The following RNF5 variants were observed in gnomAD, a reference collection of about 807,000 sequenced individuals.
RNF5 encodes the protein E3 ubiquitin-protein ligase RNF5.
RNF5 carries 16 observed loss-of-function variants against 24.4 expected under a neutral mutation model. That is an observed-to-expected ratio of 0.66 (90% CI 0.44 to 1.00). The LOEUF (loss-of-function observed/expected upper bound fraction) is 1.00, where lower values mean the gene tolerates loss of function less well. RNF5 is among the 50% of genes least tolerant of loss of function. The pLI, the probability that RNF5 is intolerant of heterozygous loss-of-function variation, is 0.00. For missense variants in RNF5, 185 were observed against 236.7 expected (o/e 0.78, Z 1.43); for synonymous variants, 64 against 88.5 (o/e 0.72, Z 1.55).
At chr6:32,180,166 A>G (rs931503522) in intron 5 of RNF5, 40 bp downstream of exon 5, 1 of 1,610,400 alleles carries the variant, frequency 6.2e-7, no homozygotes, top group Admixed American at 1.7e-5. Flanking sequence ...AGCCCTGTGA[A>G]TCCCCTCAGG....
At chr6:32,178,982 C>T (rs1785841726) in intron 1 of RNF5, among the ~76,000 whole-genome samples, 1 of 152,006 alleles carries the variant, frequency 6.6e-6, no homozygotes, top group Non-Finnish European at 1.5e-5. Context: ...ACAAGTGAGA[C>T]ACAAAGGTTA....
chr6:32,178,717 A>G, intron 1 of RNF5, 66 bp downstream of exon 1: 1 of 1,497,062 alleles, frequency 6.7e-7, no homozygotes, highest in Non-Finnish European at 9.1e-7. Flanking sequence ...GCTAGGAGCG[A>G]ATAATCATAC....
Position 32,178,451 on chromosome 6 carries a change from G to A in RNF5, c.-61G>A, listed in dbSNP as rs1382679765. ...GGCAGGAGGTGGTTTCTGGTTTGTT[G>A]GGGCGTGTGTATGTGTATTTGGGGG... is the stretch of plus-strand genomic sequence containing the variant. On this transcript the variant is annotated 5_prime_UTR_variant, in exon 1 of 6. Coordinates refer to ENST00000375094, the MANE Select transcript of RNF5 (RefSeq NM_006913.4). The A allele has an allele frequency of 1.1e-5, 15 of 1,417,200 alleles. No individual in the cohort carries two copies. The highest frequency in any genetic ancestry group is 1.4e-5 in the African/African-American group (1 of 69,854). 87.8% of individuals were successfully genotyped at this position (1,417,200 alleles called of 1,614,324 possible).
In RNF5 at chr6:32,179,689, A is replaced by G; in HGVS notation, c.198A>G (p.Val66=). 1 of 1,614,148 alleles carries G rather than the reference A, an allele frequency of 6.2e-7. No individual in the cohort carries two copies. The highest frequency in any genetic ancestry group is 8.5e-7 in the Non-Finnish European group (1 of 1,180,016). The change falls in exon 3 of 6, where the codon GTA becomes GTG. Residue 66 remains valine, a synonymous_variant. Coordinates refer to ENST00000375094, the MANE Select transcript of RNF5 (RefSeq NM_006913.4). This position sits in a 1 kb window ranked among gnomAD's most constrained non-coding sequence, Gnocchi z 5.4. ...ETRPERQECP[V]CKAGISREKV... ...GGCCAGAACGGCAAGAGTGTCCAGT[A>G]TGTAAAGCTGGGATCAGCAGAGAGA...
At position 32,179,522 on chromosome 6, in the gene RNF5, T is replaced by C. The variant is rs774268695; in HGVS notation, c.141-19T>C. On this transcript the variant is annotated intron_variant, in intron 1 of 5. Transcript: ENST00000375094. This position sits in a 1 kb window ranked among gnomAD's most constrained non-coding sequence, Gnocchi z 5.4. ...TCTGTAGCTAGTTTGACCTTTTTTT[T>C]TTTTTCTCCCCCATCCAGTTGGCCA... 11 of 1,613,680 alleles carry C rather than the reference T, an allele frequency of 6.8e-6. No individual in the cohort carries two copies. Among genetic ancestry groups the C allele is most frequent in the Non-Finnish European group, 9.3e-6 (11 of 1,179,872 alleles).
Position 32,178,666 on chromosome 6 carries a change from G to T in RNF5, c.140+15G>T. The T allele has an allele frequency of 6.2e-7, 1 of 1,608,196 alleles. No homozygotes were observed. The highest frequency in any genetic ancestry group is 8.5e-7 in the Non-Finnish European group (1 of 1,179,222). ...CACCTGTACTGGTGAGAATCGAGGAGGGGGGCGGGAGGTGGTGGGTCTCGC... is the reference window on the plus strand; with the variant it reads ...CACCTGTACTGGTGAGAATCGAGGATGGGGGCGGGAGGTGGTGGGTCTCGC... On this transcript the variant is annotated intron_variant, in intron 1 of 5. Coordinates refer to ENST00000375094, the MANE Select transcript of RNF5 (RefSeq NM_006913.4).
In RNF5 at chr6:32,180,312, C is replaced by T; in HGVS notation, c.529C>T (p.Leu177=). 5 of 1,607,550 alleles carry T rather than the reference C, an allele frequency of 3.1e-6. No homozygotes were observed. Among genetic ancestry groups the T allele is most frequent in the East Asian group, 2.2e-5 (1 of 44,884 alleles). ...LFLAIFFFFW[L]LSI Reference sequence around the variant, plus strand: ...TCTCGCCATCTTCTTCTTTTTTTGGCTGCTCAGTATTTGAGCTATGTCTGC... The same window carrying T: ...TCTCGCCATCTTCTTCTTTTTTTGGTTGCTCAGTATTTGAGCTATGTCTGC... Residue 177 remains leucine, a synonymous_variant, in exon 6 of 6, where the codon CTG becomes TTG. Coordinates refer to ENST00000375094, the MANE Select transcript of RNF5 (RefSeq NM_006913.4).
Position 32,180,776 on chromosome 6 carries a change from TA to T in RNF5, c.*456del. 2 of 353,230 alleles carry T rather than the reference TA, an allele frequency of 5.7e-6. No individual in the cohort carries two copies. The highest frequency in any genetic ancestry group is 2.1e-5 in the African/African-American group (1 of 48,102). The allele number at this position is 353,230 out of a possible 1,614,324, so 21.9% of individuals were successfully genotyped here. A position where few individuals can be genotyped will look rare whatever the true frequency, so the allele number is the denominator to read the frequency against. Reference sequence around the variant, plus strand: ...ACTACCTCCTTTAATACAAATTCAATAAAAAAGGTGAAATATATTGATGGGA... The same window carrying T: ...ACTACCTCCTTTAATACAAATTCAATAAAAAGGTGAAATATATTGATGGGA... On this transcript the variant is annotated 3_prime_UTR_variant, in exon 6 of 6. Transcript: ENST00000375094.
Position 32,179,243 on chromosome 6 carries a change from T to C in RNF5, c.141-298T>C, listed in dbSNP as rs1027402283. On this transcript the variant is annotated intron_variant, in intron 1 of 5. Transcript: ENST00000375094. The surrounding 1 kb of genome is among the most constrained non-coding windows in gnomAD (Gnocchi z 5.4). ...CCAGAAAGAGGTGGCTGAAGGAAATTAGAAATTAACTTGAAAGGCAGAAAA... is the reference window on the plus strand; with the variant it reads ...CCAGAAAGAGGTGGCTGAAGGAAATCAGAAATTAACTTGAAAGGCAGAAAA... Among the ~76,000 whole-genome samples the C allele has an allele frequency of 4.3e-4, 66 of 151,994 alleles. No individual in the cohort carries two copies. The highest frequency in any genetic ancestry group is 6.8e-3 in the Middle Eastern group (2 of 294).
Position 32,180,131 on chromosome 6 carries a change from G to A in RNF5, c.445+5G>A, listed in dbSNP as rs746175907. The A allele has an allele frequency of 3.2e-5, 52 of 1,613,524 alleles. No homozygotes were observed. Among genetic ancestry groups the A allele is most frequent in the Non-Finnish European group, 4.4e-5 (52 of 1,179,916 alleles). On this transcript the variant is annotated splice_donor_5th_base_variant and intron_variant, in intron 5 of 5. Transcript: ENST00000375094. ...AGCCTTTCCGCCGGGGTACAGGTAA[G>A]AGTCACACTCAGCTCCCATCAGGGA...
At position 32,180,045 on chromosome 6, in the gene RNF5, T is replaced by C; in HGVS notation, c.364T>C (p.Phe122Leu). The C allele has an allele frequency of 6.2e-7, 1 of 1,614,198 alleles. No homozygotes were observed. Among genetic ancestry groups the C allele is most frequent in the Non-Finnish European group, 8.5e-7 (1 of 1,180,032 alleles). ...QPFGDTGGFH[F>L]SFGVGAFPFG... is the part of the protein sequence containing the mutation. The stretch of plus-strand genomic sequence containing the variant: ...ATTTGGTGATACCGGGGGCTTCCAC[T>C]TCTCATTTGGTGTTGGTGCTTTTCC... Residue 122 changes from phenylalanine (F) to leucine (L), a missense_variant, in exon 5 of 6, where the codon TTC becomes CTC. Physicochemically the swap from Phe to Leu is conservative, Grantham distance 22 (BLOSUM62 0). Transcript: ENST00000375094.
Position 32,178,628 on chromosome 6 carries a change from C to G in RNF5, c.117C>G (p.Val39=), listed in dbSNP as rs749050679. ...TGGAGACTGCTCGGGAAGCTGTGGT[C>G]AGTGTGTGTGGCCACCTGTACTGGT... ...ICLETAREAV[V]SVCGHLYCWP... The change falls in exon 1 of 6, where the codon GTC becomes GTG. Residue 39 remains valine (V), a synonymous_variant. Coordinates refer to ENST00000375094, the MANE Select transcript of RNF5 (RefSeq NM_006913.4). The G allele has an allele frequency of 1.9e-6, 3 of 1,610,956 alleles. No individual in the cohort carries two copies. Among genetic ancestry groups the G allele is most frequent in the Non-Finnish European group, 2.5e-6 (3 of 1,179,768 alleles).
chr6:32,179,362 G>A lies in RNF5; in HGVS notation c.141-179G>A, dbSNP rs1033547331. ...ATGGACAGAGCTTTAGGTGTTGGAA[G>A]ATCAGACAAGCAGGAAGGCTAACTA... On this transcript the variant is annotated intron_variant, in intron 1 of 5. Coordinates refer to ENST00000375094, the MANE Select transcript of RNF5 (RefSeq NM_006913.4). This position sits in a 1 kb window ranked among gnomAD's most constrained non-coding sequence, Gnocchi z 5.4. 2.2e-4 allele frequency among the ~76,000 whole-genome samples: 33 copies of A among 152,124 alleles called. No homozygotes were observed. Among genetic ancestry groups the A allele is most frequent in the African/African-American group, 7.7e-4 (32 of 41,422 alleles).
rs370376787 is a variant in RNF5, at chr6:32,180,343, G to C, written c.*17G>C. On this transcript the variant is annotated 3_prime_UTR_variant, in exon 6 of 6. Coordinates refer to ENST00000375094, the MANE Select transcript of RNF5 (RefSeq NM_006913.4). ...AGTATTTGAGCTATGTCTGCTTCCT[G>C]CCCACCTCCAGCCAGAGAAGAATCA... 1.3e-6 allele frequency: 2 copies of C among 1,594,804 alleles called. No individual in the cohort carries two copies. Among genetic ancestry groups the C allele is most frequent in the Non-Finnish European group, 1.7e-6 (2 of 1,174,302 alleles).
At position 32,178,463 on chromosome 6, in the gene RNF5, T is replaced by G; in HGVS notation, c.-49T>G. 2 of 1,470,284 alleles carry G rather than the reference T, an allele frequency of 1.4e-6. No individual in the cohort carries two copies. The highest frequency in any genetic ancestry group is 1.8e-6 in the Non-Finnish European group (2 of 1,097,792). The allele number at this position is 1,470,284 out of a possible 1,614,324, so 91.1% of individuals were successfully genotyped here. A position where few individuals can be genotyped will look rare whatever the true frequency, so the allele number is the denominator to read the frequency against. On this transcript the variant is annotated 5_prime_UTR_variant, in exon 1 of 6. It removes an upstream start codon present in the reference 5' UTR. Transcript: ENST00000375094. The stretch of plus-strand genomic sequence containing the variant: ...TTTCTGGTTTGTTGGGGCGTGTGTA[T>G]GTGTATTTGGGGGGACTGAAGGGTA...
intron 1 of RNF5, among the ~76,000 whole-genome samples, 173 bp downstream of exon 1, chr6:32,178,824 A>G (rs1019603942): frequency 5.9e-5 from 9 of 152,252 alleles, no homozygotes; most frequent in Admixed American, 1.3e-4. Flanking sequence ...ATAACGGTCG[A>G]GATCTGTGGA....
Position 32,178,408 on chromosome 6 carries a change from G to A in RNF5, c.-104G>A. The A allele has an allele frequency of 1.0e-6, 1 of 962,208 alleles. No homozygotes were observed. Among genetic ancestry groups the A allele is most frequent in the Non-Finnish European group, 1.5e-6 (1 of 664,236 alleles). The allele number at this position is 962,208 out of a possible 1,614,324, so 59.6% of individuals were successfully genotyped here. A position where few individuals can be genotyped will look rare whatever the true frequency, so the allele number is the denominator to read the frequency against. On this transcript the variant is annotated 5_prime_UTR_variant, in exon 1 of 6. Coordinates refer to ENST00000375094, the MANE Select transcript of RNF5 (RefSeq NM_006913.4). Reference sequence around the variant, plus strand: ...CCAATAGTGATTAGGAAACCTTGAAGCCTGCCCAACGATCGTGGGCAGGAG... The same window carrying A: ...CCAATAGTGATTAGGAAACCTTGAAACCTGCCCAACGATCGTGGGCAGGAG...
Position 32,179,917 on chromosome 6 carries a change from C to A in RNF5, c.313C>A (p.Pro105Thr). 1.9e-6 allele frequency: 3 copies of A among 1,614,210 alleles called. No homozygotes were observed. Among genetic ancestry groups the A allele is most frequent in the Non-Finnish European group, 2.5e-6 (3 of 1,180,028 alleles). Residue 105 changes from proline to threonine, a missense_variant, in exon 4 of 6, where the codon CCG becomes ACG. Coordinates refer to ENST00000375094, the MANE Select transcript of RNF5 (RefSeq NM_006913.4). This position sits in a 1 kb window ranked among gnomAD's most constrained non-coding sequence, Gnocchi z 5.4. The part of the protein sequence containing the change: ...PPRPQGQRPA[P>T]ESRGGFQPFG... ...CCGCCCCCAGGGCCAGAGACCAGCT[C>A]CGGAGAGCAGAGGGGTGAGTCTTCT...
At position 32,178,508 on chromosome 6, in the gene RNF5, G is replaced by C. The variant is rs1033185981; in HGVS notation, c.-4G>C. The C allele has an allele frequency of 1.9e-6, 3 of 1,594,768 alleles. No individual in the cohort carries two copies. Among genetic ancestry groups the C allele is most frequent in the South Asian group, 2.3e-5 (2 of 88,332 alleles). On this transcript the variant is annotated 5_prime_UTR_variant, in exon 1 of 6. Transcript: ENST00000375094. ...AGGGTACGTGGGGCGAAACAAAACC[G>C]GCCATGGCAGCAGCGGAGGAGGAGG... is the stretch of plus-strand genomic sequence containing the variant.
Sources: gnomAD v4.1 joint callset for allele counts (sites outside exome capture counted in the v4.1 genomes callset) on GRCh38, gnomAD v4.1.1 for gene constraint, Gnocchi (gnomAD v3.1) non-coding constraint, MANE v1.5 for transcripts, NCBI Gene and HGNC (gene_info 2026-07-23, HGNC 2026-07-21) for gene names.